Variants in AP3S2 observed in about 807,000 individuals in gnomAD.
AP3S2 encodes the protein AP-3 complex subunit sigma-2.
In AP3S2, 22 loss-of-function variants were observed where a neutral mutation model predicts 23.4. The observed-to-expected ratio is 0.94, with a 90% CI of 0.67 to 1.34. The LOEUF (loss-of-function observed/expected upper bound fraction) is 1.34, where lower values mean the gene tolerates loss of function less well. Among genes scored for constraint, AP3S2 ranks in the 40% most tolerant of loss-of-function variants. AP3S2 has a pLI of 0.00. For synonymous variants in AP3S2, 86 were observed against 87.1 expected (o/e 0.99, Z 0.07); for missense variants, 241 against 236.9 (o/e 1.02, Z -0.11).
chr15:89,882,568 G>A (rs1256031273), intron 3 of AP3S2, among the ~76,000 whole-genome samples: 2 of 151,728 alleles, frequency 1.3e-5, no homozygotes, highest in Non-Finnish European at 1.5e-5. Flanking sequence ...TGTTGGCTAG[G>A]CTGGTCTCAA....
At chr15:89,891,226 G>C (rs1488677412) in intron 1 of AP3S2, among the ~76,000 whole-genome samples, 1 of 152,106 alleles carries the variant, frequency 6.6e-6, no homozygotes, top group Non-Finnish European at 1.5e-5. Context: ...TATCTTTTTA[G>C]TACTCTGTAG....
chr15:89,837,924 C>T, intron 4 of AP3S2: 1 of 523,802 alleles, frequency 1.9e-6, no homozygotes, highest in Non-Finnish European at 3.4e-6. Flanking sequence ...AATCTCTCCC[C>T]TCAGCAGCGA....
rs1203426041 is a variant in AP3S2 at position 89,835,175 on chromosome 15, A to G, written c.*340T>C. ...TCTGGGAAGCAGGTGGGCCTGCTCA[A>G]TGCAGTCCCTAACCCTTGGGAGCAT... On this transcript the variant is annotated 3_prime_UTR_variant, in exon 6 of 6. Coordinates refer to ENST00000336418, the MANE Select transcript of AP3S2 (RefSeq NM_005829.5). The G allele has an allele frequency of 1.1e-5, 4 of 376,366 alleles. No homozygotes were observed. Among genetic ancestry groups the G allele is most frequent in the East Asian group, 8.4e-5 (2 of 23,878 alleles). The allele number at this position is 376,366 out of a possible 1,614,324, so 23.3% of individuals were successfully genotyped here.
chr15:89,860,214 A>G (rs1479122665), intron 4 of AP3S2, among the ~76,000 whole-genome samples: 1 of 152,222 alleles, frequency 6.6e-6, no homozygotes, highest in African/African-American at 2.4e-5. Flanking sequence ...CCCCCAGTGG[A>G]TGCGTTATTT....
chr15:89,847,375 CAAAAAAAAAAAAAAAAA>C lies in AP3S2; in HGVS notation c.346-9670_346-9654del, dbSNP rs11314336. 4.8e-5 allele frequency among the ~76,000 whole-genome samples: 3 copies of C among 62,606 alleles called. No individual in the cohort carries two copies. In the South Asian group the frequency reaches 2.1e-3, roughly 45 times the overall value. The allele number at this position is 62,606 out of a possible 152,430, so 41.1% of individuals were successfully genotyped here. On this transcript the variant is annotated intron_variant, in intron 4 of 5. Coordinates refer to ENST00000336418, the MANE Select transcript of AP3S2 (RefSeq NM_005829.5). ...TGGGAGACAGGGCGAGACCCTGTTA[CAAAAAAAAAAAAAAAAA>C]AAAAAAAAAAAGTAGATTAAAATGA...
At position 89,835,250 on chromosome 15, in the gene AP3S2, T is replaced by G. The variant is rs1430788743; in HGVS notation, c.*265A>C. On this transcript the variant is annotated 3_prime_UTR_variant, in exon 6 of 6. Transcript: ENST00000336418. ...TGACTTGGGCATGTTGACTCCCTACTGAGGAAGGCAGGGCCCCTCACATCT... is the reference window on the plus strand; with the variant it reads ...TGACTTGGGCATGTTGACTCCCTACGGAGGAAGGCAGGGCCCCTCACATCT... The G allele has an allele frequency of 3.7e-6, 2 of 533,770 alleles. No individual in the cohort carries two copies. The highest frequency in any genetic ancestry group is 6.4e-6 in the Non-Finnish European group (2 of 310,534). The allele number at this position is 533,770 out of a possible 1,614,324, so 33.1% of individuals were successfully genotyped here. A position where few individuals can be genotyped will look rare whatever the true frequency, so the allele number is the denominator to read the frequency against.
rs1270067577 is a variant in AP3S2 at position 89,856,893 on chromosome 15, G to T, written c.345+14582C>A. On this transcript the variant is annotated intron_variant, in intron 4 of 5. Coordinates refer to ENST00000336418, the MANE Select transcript of AP3S2 (RefSeq NM_005829.5). ...GTCTTAAAAAAAAAAAAAAAGAAAAGAAAAGAAAAGAAAAAGAAACCCACA... is the reference window on the plus strand; with the variant it reads ...GTCTTAAAAAAAAAAAAAAAGAAAATAAAAGAAAAGAAAAAGAAACCCACA... 2.0e-5 allele frequency among the ~76,000 whole-genome samples: 3 copies of T among 146,774 alleles called. No homozygotes were observed. The South Asian group carries it at 6.4e-4, about 31-fold the overall frequency.
intron 4 of AP3S2, among the ~76,000 whole-genome samples, chr15:89,847,606 G>A (rs1895529199): frequency 6.6e-6 from 1 of 152,062 alleles, no homozygotes; most frequent in Non-Finnish European, 1.5e-5. Context: ...GTTTCTCACT[G>A]AAATCAAAGA....
intron 4 of AP3S2, among the ~76,000 whole-genome samples, chr15:89,842,911 G>A (rs1158354586): frequency 6.6e-6 from 1 of 151,362 alleles, no homozygotes; most frequent in East Asian, 2.0e-4. Flanking sequence ...GTGCCCAGAA[G>A]ACTCAAGGAC....
chr15:89,846,914 G>T (rs575561865), intron 4 of AP3S2, among the ~76,000 whole-genome samples: 2 of 152,072 alleles, frequency 1.3e-5, no homozygotes, highest in African/African-American at 4.8e-5. Flanking sequence ...CAGGTGATCC[G>T]CCCACCTCAG....
At chr15:89,836,522 G>C (rs1265643020) in intron 5 of AP3S2, among the ~76,000 whole-genome samples, 1 of 152,148 alleles carries the variant, frequency 6.6e-6, no homozygotes, top group African/African-American at 2.4e-5. Context: ...GGAGAAGGTG[G>C]GGGGTATCAC....
chr15:89,868,698 G>A (rs1596208785), intron 4 of AP3S2, among the ~76,000 whole-genome samples: 1 of 119,486 alleles, frequency 8.4e-6, no homozygotes, highest in African/African-American at 3.3e-5. Flanking sequence ...GAGGTGGGGG[G>A]GTCAGCCCTC....
At chr15:89,891,986 A>G (rs758268288) in intron 1 of AP3S2, among the ~76,000 whole-genome samples, 1 of 152,226 alleles carries the variant, frequency 6.6e-6, no homozygotes, top group South Asian at 2.1e-4. Flanking sequence ...AGAAATATCA[A>G]CTTATAAATT....
intron 1 of AP3S2, among the ~76,000 whole-genome samples, chr15:89,892,015 T>C (rs1896831628): frequency 6.6e-6 from 1 of 152,190 alleles, no homozygotes; most frequent in African/African-American, 2.4e-5. Flanking sequence ...AAATATGGCA[T>C]ATCCATATAA....
At chr15:89,869,299 G>A (rs1415226928) in intron 4 of AP3S2, among the ~76,000 whole-genome samples, 2 of 146,646 alleles carry the variant, frequency 1.4e-5, no homozygotes, top group African/African-American at 2.5e-5. Flanking sequence ...TGAAACATGT[G>A]CTGTGTCCAC....
In AP3S2 at chr15:89,889,092, G is replaced by A; in HGVS notation, c.118C>T (p.Leu40Phe). 1 of 1,614,132 alleles carries A rather than the reference G, an allele frequency of 6.2e-7. No individual in the cohort carries two copies. Among genetic ancestry groups the A allele is most frequent in the Non-Finnish European group, 8.5e-7 (1 of 1,180,036 alleles). The change falls in exon 2 of 6, where the codon CTC becomes TTC. Residue 40 changes from leucine to phenylalanine, a missense_variant. By Grantham distance (22) the Leu-to-Phe change is conservative. Transcript: ENST00000336418. Reference protein sequence around the residue: ...QIVRETFHLVLKRDDNICNFL... With the variant: ...QIVRETFHLVFKRDDNICNFL... ...TTACAGATGTTGTCATCCCGCTTGA[G>A]GACTAGATGGAAAGTCTCTCGAACA...
chr15:89,879,733 G>A (rs1464588597), intron 3 of AP3S2, among the ~76,000 whole-genome samples: 1 of 151,920 alleles, frequency 6.6e-6, no homozygotes, highest in Non-Finnish European at 1.5e-5. Context: ...AGCCTCCTCA[G>A]TAGCTGGGAC....
intron 3 of AP3S2, among the ~76,000 whole-genome samples, chr15:89,886,180 C>T (rs1291093320): frequency 2.0e-5 from 3 of 151,810 alleles, no homozygotes; most frequent in Non-Finnish European, 4.4e-5. Flanking sequence ...GAAACCCTGT[C>T]GCTACTAAAA....
chr15:89,878,196 A>G, intron 3 of AP3S2: 1 of 620,814 alleles, frequency 1.6e-6, no homozygotes, highest in East Asian at 2.9e-5. Flanking sequence ...GGTGGTGATG[A>G]TAATAAAAAT....
Sources: allele counts gnomAD v4.1 joint callset (sites outside exome capture counted in the v4.1 genomes callset), GRCh38; gene constraint gnomAD v4.1.1; transcripts MANE v1.5; gene names NCBI Gene and HGNC (gene_info 2026-07-23, HGNC 2026-07-21).